ATP8A1: variants seen among roughly 807,000 people sequenced by gnomAD.
ATP8A1 encodes the protein ATPase phospholipid transporting 8A1.
ATP8A1 carries 90 observed loss-of-function variants against 177.7 expected under a neutral mutation model. That is an observed-to-expected ratio of 0.51 (90% CI 0.43 to 0.60). The LOEUF is 0.60. Ranked by LOEUF, ATP8A1 falls within the 20% of genes least tolerant of loss-of-function variation. ATP8A1 has a pLI of 0.00. For missense variants in ATP8A1, 1,072 were observed against 1,392.8 expected, an observed-to-expected ratio of 0.77 and a Z score of 3.67; for synonymous variants, 493 against 485.9, an observed-to-expected ratio of 1.01 and a Z score of -0.19.
intron 33 of ATP8A1, among the ~76,000 whole-genome samples, chr4:42,429,802 C>CTGAATGAT (rs1715062157): frequency 1.3e-5 from 2 of 152,220 alleles, no homozygotes; most frequent in Admixed American, 1.3e-4. Context: ...CTTTCAAAGA[C>CTGAATGAT]ATGAAATTCT....
intron 20 of ATP8A1, among the ~76,000 whole-genome samples, chr4:42,537,991 T>C (rs1728015271): frequency 6.6e-6 from 1 of 152,060 alleles, no homozygotes; most frequent in Non-Finnish European, 1.5e-5. Context: ...AGGCATCACA[T>C]AACCTGACCT....
chr4:42,656,741 G>C (rs1741671581), intron 1 of ATP8A1, 84 bp downstream of exon 1: 1 of 1,357,164 alleles, frequency 7.4e-7, no homozygotes. Flanking sequence ...GTAGGATGCG[G>C]TCTCTTCCAG....
At position 42,584,361 on chromosome 4, in the gene ATP8A1, C is replaced by T. The variant is rs2109351592; in HGVS notation, c.722+1988G>A. The stretch of plus-strand genomic sequence containing the variant: ...TTTCTTTGCTCTCTTTGCAACAAAA[C>T]TCTTTGAAAAAGAAGTCTATACTTG... On this transcript the variant is annotated intron_variant, in intron 9 of 36. Coordinates refer to ENST00000381668, the MANE Select transcript of ATP8A1 (RefSeq NM_006095.2). Among the ~76,000 whole-genome samples the T allele has an allele frequency of 2.6e-5, 4 of 152,302 alleles. No individual in the cohort carries two copies. In the Middle Eastern group the frequency reaches 0.01, roughly 389 times the overall value.
chr4:42,443,549 T>G lies in ATP8A1; in HGVS notation c.3123+16A>C, dbSNP rs371894314. On this transcript the variant is annotated intron_variant, in intron 33 of 36. Coordinates refer to ENST00000381668, the MANE Select transcript of ATP8A1 (RefSeq NM_006095.2). Reference sequence around the variant, plus strand: ...TTTAAGGTTTTGTTGGATTGTGAGTTATTAGCGCACATTACCTCTCCTGAC... The same window carrying G: ...TTTAAGGTTTTGTTGGATTGTGAGTGATTAGCGCACATTACCTCTCCTGAC... 6.2e-6 allele frequency: 6 copies of G among 965,264 alleles called. No individual in the cohort carries two copies. The highest frequency in any genetic ancestry group is 8.5e-6 in the Non-Finnish European group (5 of 590,578). The allele number at this position is 965,264 out of a possible 1,614,324, so 59.8% of individuals were successfully genotyped here.
At position 42,529,817 on chromosome 4, in the gene ATP8A1, T is replaced by G. The variant is rs540961059; in HGVS notation, c.1723-4970A>C. ...TCCCGGTGGGCAGCACTTCAAGCAG[T>G]GCAGCTGGTTGTGCACTTTGCATGG... On this transcript the variant is annotated intron_variant, in intron 20 of 36. Transcript: ENST00000381668. Among the ~76,000 whole-genome samples the G allele has an allele frequency of 4.6e-4, 70 of 152,236 alleles. 1 individual carries two copies. Among genetic ancestry groups the G allele is most frequent in the African/African-American group, 1.7e-3 (69 of 41,552 alleles).
chr4:42,470,309 T>G (rs1193228483), intron 25 of ATP8A1, among the ~76,000 whole-genome samples: 1 of 152,254 alleles, frequency 6.6e-6, no homozygotes, highest in African/African-American at 2.4e-5. Context: ...ATGCAGTAAC[T>G]CTCACTGCCC....
chr4:42,633,149 A>G (rs1738921654), intron 1 of ATP8A1, among the ~76,000 whole-genome samples: 1 of 152,238 alleles, frequency 6.6e-6, no homozygotes, highest in South Asian at 2.1e-4. Flanking sequence ...TGAAAAGCTA[A>G]GCAGTGACTA....
intron 27 of ATP8A1, among the ~76,000 whole-genome samples, chr4:42,463,369 T>A (rs948903572): frequency 2.6e-5 from 4 of 152,040 alleles, no homozygotes; most frequent in African/African-American, 7.3e-5. Context: ...TAAAGAGGAG[T>A]TCCCCTGCAC....
chr4:42,464,265 CTTT>C (rs11365064), intron 27 of ATP8A1, among the ~76,000 whole-genome samples: 11 of 130,076 alleles, frequency 8.5e-5, no homozygotes, highest in Admixed American at 7.7e-5. Context: ...GGCTGACAAA[CTTT>C]TTTTTTTTTT....
intron 1 of ATP8A1, among the ~76,000 whole-genome samples, chr4:42,649,391 T>G (rs1404027343): frequency 6.6e-6 from 1 of 152,168 alleles, no homozygotes; most frequent in Non-Finnish European, 1.5e-5. Context: ...AACAAATATA[T>G]CTTTTCTGGA....
At position 42,496,067 on chromosome 4, in the gene ATP8A1, C is replaced by A. The variant is rs554901080; in HGVS notation, c.2151+7383G>T. ...GTAGTGCTGGGTAAATTGCTCTTGG[C>A]CCCTCAACAGAGGTTTGAGATTTGG... On this transcript the variant is annotated intron_variant, in intron 24 of 36. Coordinates refer to ENST00000381668, the MANE Select transcript of ATP8A1 (RefSeq NM_006095.2). 2.0e-5 allele frequency among the ~76,000 whole-genome samples: 3 copies of A among 152,148 alleles called. No individual in the cohort carries two copies. In the South Asian group the frequency reaches 6.2e-4, roughly 32 times the overall value.
Position 42,524,769 on chromosome 4 carries a change from T to C in ATP8A1, c.1801A>G (p.Thr601Ala), listed in dbSNP as rs762990643. The C allele has an allele frequency of 2.6e-5, 42 of 1,602,784 alleles. 1 individual carries two copies. In the East Asian group the frequency reaches 9.4e-4, roughly 36 times the overall value. ...ATTGCCAAATTACACTTACCTTCTG[T>C]AGCAAACTGCTCTAAATGTTTTAGG... ...ITLKHLEQFA[T>A]EGLRTLCFAV... The change falls in exon 21 of 37, where the codon ACA becomes GCA. Residue 601 changes from threonine (T) to alanine (A), a missense_variant. By Grantham distance (58) the Thr-to-Ala change is moderately conservative (BLOSUM62 0). This residue lies in a region of ATP8A1 where 388 missense variants were observed against 471.7 expected (regional missense o/e 0.82). Transcript: ENST00000381668.
intron 25 of ATP8A1, chr4:42,472,341 C>T (rs1029977248): frequency 1.9e-5 from 8 of 420,294 alleles, no homozygotes; most frequent in African/African-American, 1.0e-4. Flanking sequence ...AGCTCACAGG[C>T]GAGGATGTTA....
intron 35 of ATP8A1, among the ~76,000 whole-genome samples, chr4:42,416,954 G>C (rs1438345887): frequency 6.6e-6 from 1 of 152,198 alleles, no homozygotes; most frequent in African/African-American, 2.4e-5. Context: ...GGTGAGATGT[G>C]TGTTGCTGCA....
intron 24 of ATP8A1, among the ~76,000 whole-genome samples, chr4:42,490,171 G>C (rs17592940): frequency 0.15 from 23,319 of 152,140 alleles, 2,207 homozygotes; most frequent in South Asian, 0.24. Flanking sequence ...ATTCTGCTCT[G>C]CTCTTCCCAT....
chr4:42,480,990 G>C (rs919064585), intron 25 of ATP8A1, among the ~76,000 whole-genome samples: 1 of 152,172 alleles, frequency 6.6e-6, no homozygotes, highest in Non-Finnish European at 1.5e-5. Flanking sequence ...CAGAACATAA[G>C]TTTCAAAATA....
At chr4:42,437,040 G>C (rs1301367875) in intron 33 of ATP8A1, among the ~76,000 whole-genome samples, 1 of 152,162 alleles carries the variant, frequency 6.6e-6, no homozygotes, top group Non-Finnish European at 1.5e-5. Context: ...CTGAAATTCT[G>C]TAAAACACAT....
intron 1 of ATP8A1, among the ~76,000 whole-genome samples, chr4:42,634,164 A>G (rs1265927672): frequency 6.6e-6 from 1 of 152,210 alleles, no homozygotes; most frequent in Non-Finnish European, 1.5e-5. Context: ...AGATGAAAGG[A>G]AGTGGATGCA....
intron 10 of ATP8A1, 66 bp from the exon 11 acceptor site, chr4:42,580,044 A>C: frequency 7.8e-7 from 1 of 1,282,302 alleles, no homozygotes; most frequent in East Asian, 2.6e-5. Context: ...TATACTTAGT[A>C]TTCTGTTGAG....
Sources: gnomAD v4.1 joint callset for allele counts (sites outside exome capture counted in the v4.1 genomes callset) on GRCh38, gnomAD v4.1.1 for gene constraint, gnomAD v4.1.1 regional missense constraint, MANE v1.5 for transcripts, NCBI Gene and HGNC (gene_info 2026-07-23, HGNC 2026-07-21) for gene names.